Variants in TPRG1 observed in about 807,000 individuals in gnomAD.
TPRG1 encodes tumor protein p63 regulated 1.
A neutral mutation model predicts 29.3 loss-of-function variants in TPRG1; 29 were observed. That is an observed-to-expected ratio of 0.99 (90% CI 0.74 to 1.35). TPRG1 has a LOEUF of 1.35. Ranked by LOEUF, TPRG1 falls within the 40% of genes most tolerant of loss-of-function variation. TPRG1 has a pLI of 0.00. For missense variants in TPRG1, 327 were observed against 335.0 expected (o/e 0.98, Z 0.19); for synonymous variants, 130 against 116.8 (o/e 1.11, Z -0.73).
intron 1 of TPRG1, among the ~76,000 whole-genome samples, chr3:189,114,851 TTA>T (rs1720983774): frequency 6.6e-6 from 1 of 152,184 alleles, no homozygotes; most frequent in Non-Finnish European, 1.5e-5. Flanking sequence ...GCTTAGTCAG[TTA>T]TAGCCCTGAG....
intron 4 of TPRG1, among the ~76,000 whole-genome samples, chr3:189,267,352 C>T (rs1289696440): frequency 6.6e-6 from 1 of 152,158 alleles, no homozygotes; most frequent in East Asian, 1.9e-4. Context: ...TGATGCATGA[C>T]TTTATACATT....
chr3:189,192,087 C>T (rs888928469), intron 1 of TPRG1, among the ~76,000 whole-genome samples: 2 of 152,144 alleles, frequency 1.3e-5, no homozygotes, highest in Non-Finnish European at 2.9e-5. Flanking sequence ...CAGTCATAGG[C>T]AATAACTAAA....
At chr3:189,251,730 T>C (rs113201790) in intron 4 of TPRG1, among the ~76,000 whole-genome samples, 32,326 of 151,778 alleles carry the variant, frequency 0.21, 4,468 homozygotes, top group African/African-American at 0.41. Context: ...AGCAGTATTG[T>C]TGCCCGCATG....
At chr3:189,059,527 G>A (rs146145846) in intron 4 of TPRG1, among the ~76,000 whole-genome samples, 71 of 152,168 alleles carry the variant, frequency 4.7e-4, no homozygotes, top group Admixed American at 7.2e-4. Flanking sequence ...AAGAGGTGGA[G>A]GTTGCAGTGA....
At chr3:189,179,107 G>T (rs1729875006) in intron 1 of TPRG1, among the ~76,000 whole-genome samples, 2 of 152,138 alleles carry the variant, frequency 1.3e-5, no homozygotes, top group African/African-American at 4.8e-5. Flanking sequence ...TAGTGCTTTT[G>T]TGTCAACTTA....
rs538692945 is a variant in TPRG1 at position 189,024,135 on chromosome 3, C to T, written c.-463+189C>T. On this transcript the variant is annotated intron_variant, in intron 4 of 10. Transcript: ENST00000433971. ...AGCAAAGGTGGTGGCCCACCCTGCC[C>T]TCCAGGCACTCCATCCCAGGGAGAA... Among the ~76,000 whole-genome samples the T allele has an allele frequency of 2.2e-4, 34 of 152,392 alleles. No homozygotes were observed. The South Asian group carries it at 6.6e-3, about 30-fold the overall frequency.
At chr3:189,144,912 T>G (rs112940613) in intron 3 of TPRG1, among the ~76,000 whole-genome samples, 159 of 152,344 alleles carry the variant, frequency 1.0e-3, no homozygotes, top group African/African-American at 3.7e-3. Context: ...TACACACTGG[T>G]TTCACGGGCA....
Position 189,203,957 on chromosome 3 carries a change from C to A in TPRG1, c.-9-3419C>A, listed in dbSNP as rs1337428302. On this transcript the variant is annotated intron_variant, in intron 1 of 5. Coordinates refer to ENST00000345063, the MANE Select transcript of TPRG1 (RefSeq NM_198485.4). Reference sequence around the variant, plus strand: ...TCTGGAGGCTGAGGCAGAAGAATTGCATGAACCCAGGAGGCGGAGAATGCA... The same window carrying A: ...TCTGGAGGCTGAGGCAGAAGAATTGAATGAACCCAGGAGGCGGAGAATGCA... Among the ~76,000 whole-genome samples the A allele has an allele frequency of 2.8e-5, 4 of 143,070 alleles. No individual in the cohort carries two copies. In the Admixed American group the frequency reaches 3.0e-4, roughly 11 times the overall value. The allele number at this position is 143,070 out of a possible 152,430, so 93.9% of individuals were successfully genotyped here.
chr3:189,017,155 T>C (rs929712558), intron 3 of TPRG1, among the ~76,000 whole-genome samples: 1 of 151,256 alleles, frequency 6.6e-6, no homozygotes, highest in Non-Finnish European at 1.5e-5. Flanking sequence ...TTTTTTCTAA[T>C]CTTGTCTGCC....
intron 4 of TPRG1, among the ~76,000 whole-genome samples, chr3:189,068,586 C>A (rs1716608109): frequency 6.6e-6 from 1 of 152,134 alleles, no homozygotes; most frequent in Non-Finnish European, 1.5e-5. Flanking sequence ...ATCAGCCTGG[C>A]CAACATAGTG....
chr3:189,307,850 G>C (rs921582292), intron 4 of TPRG1, among the ~76,000 whole-genome samples: 2 of 152,206 alleles, frequency 1.3e-5, no homozygotes, highest in Non-Finnish European at 2.9e-5. Flanking sequence ...AGAAATAGCT[G>C]ATTTGTGCTT....
intron 4 of TPRG1, among the ~76,000 whole-genome samples, chr3:189,026,583 T>C (rs1713675320): frequency 6.6e-6 from 1 of 152,078 alleles, no homozygotes; most frequent in South Asian, 2.1e-4. Context: ...ATCAAAACCA[T>C]GTTTTGGGAA....
At chr3:189,227,066 AG>A (rs796620074) in intron 3 of TPRG1, among the ~76,000 whole-genome samples, 63 of 152,146 alleles carry the variant, frequency 4.1e-4, no homozygotes, top group African/African-American at 1.4e-3. Flanking sequence ...AACAATTAGG[AG>A]ACTAAAGGCA....
At chr3:189,116,466 C>T (rs1334124828) in intron 1 of TPRG1, among the ~76,000 whole-genome samples, 5 of 152,126 alleles carry the variant, frequency 3.3e-5, no homozygotes, top group East Asian at 1.9e-4. Context: ...CATGAGCCAC[C>T]GCGCCCAGCT....
rs1740039565 is a variant in TPRG1, at chr3:189,238,984, G to C, written c.479+75G>C. 5 of 1,391,482 alleles carry C rather than the reference G, an allele frequency of 3.6e-6. No individual in the cohort carries two copies. In the South Asian group the frequency reaches 7.4e-5, roughly 21 times the overall value. 86.2% of individuals were successfully genotyped at this position (1,391,482 alleles called of 1,614,324 possible). On this transcript the variant is annotated intron_variant, in intron 4 of 5. Transcript: ENST00000345063. ...GCAGGGAAAACAAGCCGAAAATTCA[G>C]TTTGGCCCTGTAAACTGGGAGAACC...
intron 4 of TPRG1, among the ~76,000 whole-genome samples, chr3:189,026,615 A>G (rs1713676910): frequency 6.6e-6 from 1 of 152,242 alleles, no homozygotes; most frequent in South Asian, 2.1e-4. Context: ...GTTTAAGCTT[A>G]GCTGGAACAT....
chr3:189,146,210 G>C (rs1380286111), intron 3 of TPRG1, among the ~76,000 whole-genome samples: 2 of 152,182 alleles, frequency 1.3e-5, no homozygotes, highest in Non-Finnish European at 2.9e-5. Flanking sequence ...TTAAAGCTTT[G>C]TTTATGCATT....
intron 3 of TPRG1, among the ~76,000 whole-genome samples, chr3:189,235,865 TG>T (rs1739376668): frequency 6.6e-6 from 1 of 152,172 alleles, no homozygotes; most frequent in African/African-American, 2.4e-5. Context: ...GTCTTCAAAA[TG>T]AGGGTAATAA....
intron 1 of TPRG1, among the ~76,000 whole-genome samples, chr3:188,998,235 G>A (rs1711891900): frequency 2.0e-5 from 3 of 152,194 alleles, no homozygotes; most frequent in Admixed American, 2.0e-4. Context: ...ATAATGGGAT[G>A]TATTTAAAAT....
Sources: allele counts gnomAD v4.1 joint callset (sites outside exome capture counted in the v4.1 genomes callset), GRCh38; gene constraint gnomAD v4.1.1; transcripts MANE v1.5; gene names NCBI Gene and HGNC (gene_info 2026-07-23, HGNC 2026-07-21).